Variants in ZNF562 observed in about 807,000 individuals in gnomAD.
ZNF562 encodes zinc finger protein 562.
ZNF562 carries 13 observed loss-of-function variants against 17.5 expected under a neutral mutation model. The ratio of observed to expected loss-of-function variants is 0.74; its 90% CI spans 0.48 to 1.18. The LOEUF (loss-of-function observed/expected upper bound fraction) is 1.18. ZNF562 is among the 50% of genes most tolerant of loss of function. ZNF562 has a pLI of 0.00. For missense variants in ZNF562, 481 were observed against 498.5 expected, an observed-to-expected ratio of 0.96 and a Z score of 0.33; for synonymous variants, 163 against 165.4, an observed-to-expected ratio of 0.99 and a Z score of 0.11.
At chr19:9,669,921 G>T (rs1369568805) in intron 1 of ZNF562, among the ~76,000 whole-genome samples, 1 of 151,968 alleles carries the variant, frequency 6.6e-6, no homozygotes, top group Non-Finnish European at 1.5e-5. Context: ...AATTAGCTGG[G>T]CATGGTGGCG....
rs777509222 is a variant in ZNF562 at position 9,653,125 on chromosome 19, C to T, written c.1105G>A (p.Glu369Lys). Reference protein sequence around the residue: ...LAIHIRNHTGEKPYQCKECGK... With the variant: ...LAIHIRNHTGKKPYQCKECGK... ...CATTCCTTACACTGATAGGGTTTCTCTCCAGTGTGATTTCGTATGTGTATA... is the reference window on the plus strand; with the variant it reads ...CATTCCTTACACTGATAGGGTTTCTTTCCAGTGTGATTTCGTATGTGTATA... Residue 369 changes from glutamate to lysine, a missense_variant, in exon 6 of 6, where the codon GAG (glutamate) becomes AAG (lysine). Coordinates refer to ENST00000453372, the MANE Select transcript of ZNF562 (RefSeq NM_001130031.2). 5.6e-6 allele frequency: 9 copies of T among 1,611,110 alleles called. No homozygotes were observed. The highest frequency in any genetic ancestry group is 7.6e-6 in the Non-Finnish European group (9 of 1,178,384).
At chr19:9,670,532 C>A (rs1013660081) in intron 1 of ZNF562, among the ~76,000 whole-genome samples, 9 of 152,058 alleles carry the variant, frequency 5.9e-5, no homozygotes, top group Non-Finnish European at 1.2e-4. Context: ...TTTGCAGCAA[C>A]TGGATAGAAC....
chr19:9,665,172 A>C (rs142322085), intron 1 of ZNF562, among the ~76,000 whole-genome samples: 172 of 151,794 alleles, frequency 1.1e-3, no homozygotes, highest in African/African-American at 4.0e-3. Context: ...CAGTGAGCCA[A>C]GATCGTGCCA....
chr19:9,666,855 T>C (rs1276119799), intron 1 of ZNF562, among the ~76,000 whole-genome samples: 1 of 151,792 alleles, frequency 6.6e-6, no homozygotes, highest in African/African-American at 2.4e-5. Flanking sequence ...AACACAACAA[T>C]AACAAGATCA....
chr19:9,661,243 G>A (rs114718724), intron 1 of ZNF562, among the ~76,000 whole-genome samples: 3 of 151,858 alleles, frequency 2.0e-5, no homozygotes, highest in Non-Finnish European at 2.9e-5. Context: ...TACATTTCCC[G>A]GGCTCAAGTG....
rs1336255894 is a variant in ZNF562, at chr19:9,651,914, A to G, written c.*1035T>C. On this transcript the variant is annotated 3_prime_UTR_variant, in exon 6 of 6. Coordinates refer to ENST00000453372, the MANE Select transcript of ZNF562 (RefSeq NM_001130031.2). ...CTAGAGCCACTGGGTTAGGGTCTCC[A>G]CGACCCAGCTGGTCTCGGCAAAAAT... is the stretch of plus-strand genomic sequence containing the variant. 2 of 152,218 alleles carry G rather than the reference A, an allele frequency of 1.3e-5. No homozygotes were observed. The highest frequency in any genetic ancestry group is 2.1e-4 in the South Asian group (1 of 4,830). The allele number at this position is 152,218 out of a possible 1,614,324, so 9.4% of individuals were successfully genotyped here. A position where few individuals can be genotyped will look rare whatever the true frequency, so the allele number is the denominator to read the frequency against.
At chr19:9,669,724 G>A (rs2336086) in intron 1 of ZNF562, among the ~76,000 whole-genome samples, 3,661 of 77,684 alleles carry the variant, frequency 0.047, 67 homozygotes, top group South Asian at 0.1. Flanking sequence ...GCGAGCGCGC[G>A]CGCGCGCGCG....
chr19:9,669,765 CACACACACACAA>C (rs1282374188), intron 1 of ZNF562, among the ~76,000 whole-genome samples: 1 of 151,230 alleles, frequency 6.6e-6, no homozygotes, highest in African/African-American at 2.4e-5. Context: ...CACACACACA[CACACACACACAA>C]CCAGTCAGGG....
At position 9,651,198 on chromosome 19, in the gene ZNF562, G is replaced by A. The variant is rs1179828263; in HGVS notation, c.*1751C>T. The A allele has an allele frequency of 2.0e-5, 3 of 152,106 alleles. No homozygotes were observed. The highest frequency in any genetic ancestry group is 7.2e-5 in the African/African-American group (3 of 41,430). The allele number at this position is 152,106 out of a possible 1,614,324, so 9.4% of individuals were successfully genotyped here. A position where few individuals can be genotyped will look rare whatever the true frequency, so the allele number is the denominator to read the frequency against. ...TGGAAAAATTCTGATGTGCAAGCTG[G>A]AAATAAGGTTGGTAAGGGTTATTCT... On this transcript the variant is annotated 3_prime_UTR_variant, in exon 6 of 6. Coordinates refer to ENST00000453372, the MANE Select transcript of ZNF562 (RefSeq NM_001130031.2).
chr19:9,673,829 A>T (rs1403622937), intron 1 of ZNF562, among the ~76,000 whole-genome samples: 1 of 151,734 alleles, frequency 6.6e-6, no homozygotes. Context: ...AACATGGTGA[A>T]ACCCCATCTC....
chr19:9,659,623 A>G (rs1466444418), intron 2 of ZNF562, among the ~76,000 whole-genome samples, 156 bp from the exon 3 acceptor site: 5 of 152,142 alleles, frequency 3.3e-5, no homozygotes, highest in African/African-American at 1.2e-4. Flanking sequence ...GTAGTCCTGT[A>G]TCACCTAGAC....
At chr19:9,660,025 G>A in intron 2 of ZNF562, among the ~76,000 whole-genome samples, 1 of 121,822 alleles carries the variant, frequency 8.2e-6, no homozygotes, top group South Asian at 3.0e-4. Context: ...GGAAGTGGAG[G>A]TTGCAATGAG....
chr19:9,658,880 T>C (rs1436956691), intron 3 of ZNF562, among the ~76,000 whole-genome samples: 2 of 152,026 alleles, frequency 1.3e-5, no homozygotes, highest in Non-Finnish European at 2.9e-5. Context: ...GCAGCTTCAA[T>C]CTCCTGGGCT....
chr19:9,655,264 C>T (rs1021471522), intron 5 of ZNF562, among the ~76,000 whole-genome samples: 2 of 152,174 alleles, frequency 1.3e-5, no homozygotes, highest in African/African-American at 4.8e-5. Flanking sequence ...GCTGGGATTG[C>T]AGGTGTCAGC....
In ZNF562 at chr19:9,653,320, T is replaced by A. The variant is rs2074901799; in HGVS notation, c.910A>T (p.Asn304Tyr). Residue 304 changes from asparagine (N) to tyrosine (Y), a missense_variant, in exon 6 of 6, where the codon AAT becomes TAT. Asn to Tyr is a moderately radical substitution (Grantham distance 143). Coordinates refer to ENST00000453372, the MANE Select transcript of ZNF562 (RefSeq NM_001130031.2). ...GRSFRNSSSF[N>Y]VHIQIHTGIK... ...CCAGTGTGAATTTGAATGTGAACAT[T>A]AAAGGATGAGGAATTTCTAAAGGAT... 6.2e-7 allele frequency: 1 copy of A among 1,614,160 alleles called. No homozygotes were observed. The highest frequency in any genetic ancestry group is 2.2e-5 in the East Asian group (1 of 44,880).
In ZNF562 at chr19:9,649,938, G is replaced by C. The variant is rs546811507; in HGVS notation, c.*3011C>G. ...CCTACCGACATGTGATGTCTGCCCC[G>C]GACACCCAGCTTTAAAATTTCTCTC... On this transcript the variant is annotated 3_prime_UTR_variant, in exon 6 of 6. Transcript: ENST00000453372. 1 of 151,966 alleles carries C rather than the reference G, an allele frequency of 6.6e-6. No individual in the cohort carries two copies. Among genetic ancestry groups the C allele is most frequent in the Admixed American group, 6.6e-5 (1 of 15,248 alleles). 9.4% of individuals were successfully genotyped at this position (151,966 alleles called of 1,614,324 possible).
At position 9,648,638 on chromosome 19, in the gene ZNF562, C is replaced by T. The variant is rs1021357561; in HGVS notation, c.*4311G>A. The stretch of plus-strand genomic sequence containing the variant: ...TGTTTTAGAAAAGCGCCTTTCCATG[C>T]ATTCACTTCTTCAAGTTTTTTTTTT... On this transcript the variant is annotated 3_prime_UTR_variant, in exon 6 of 6. Transcript: ENST00000453372. 2.6e-5 allele frequency: 4 copies of T among 151,778 alleles called. No individual in the cohort carries two copies. Among genetic ancestry groups the T allele is most frequent in the Admixed American group, 1.3e-4 (2 of 15,204 alleles). The allele number at this position is 151,778 out of a possible 1,614,324, so 9.4% of individuals were successfully genotyped here.
Position 9,643,983 on chromosome 19 carries a change from A to G in ZNF562, c.*8966T>C, listed in dbSNP as rs2074790183. The G allele has an allele frequency of 6.6e-6, 1 of 151,812 alleles. No homozygotes were observed. Among genetic ancestry groups the G allele is most frequent in the Admixed American group, 6.6e-5 (1 of 15,224 alleles). The allele number at this position is 151,812 out of a possible 1,614,324, so 9.4% of individuals were successfully genotyped here. A position where few individuals can be genotyped will look rare whatever the true frequency, so the allele number is the denominator to read the frequency against. ...AGCTATATTTTTTTAGTTTTAGTAG[A>G]TACAAGGTTTCACCGTTTTAGCCAG... On this transcript the variant is annotated 3_prime_UTR_variant, in exon 6 of 6. Coordinates refer to ENST00000453372, the MANE Select transcript of ZNF562 (RefSeq NM_001130031.2).
rs9304957 is a variant in ZNF562, at chr19:9,644,772, C to A, written c.*8177G>T. ...TTACTTGAACAGCATGGGGAAACCC[C>A]CCCCCATGATTCTATTACCTCCCAC... On this transcript the variant is annotated 3_prime_UTR_variant, in exon 6 of 6. Transcript: ENST00000453372. 0.3 allele frequency: 45,299 copies of A among 152,030 alleles called. 8,401 individuals are homozygous for A. The highest frequency in any genetic ancestry group is 0.51 in the African/African-American group (21,180 of 41,456). The allele number at this position is 152,030 out of a possible 1,614,324, so 9.4% of individuals were successfully genotyped here.
Sources: gnomAD v4.1 joint callset for allele counts (sites outside exome capture counted in the v4.1 genomes callset) on GRCh38, gnomAD v4.1.1 for gene constraint, MANE v1.5 for transcripts, NCBI Gene and HGNC (gene_info 2026-07-23, HGNC 2026-07-21) for gene names.